The following REDIC1 variants were observed in gnomAD, a reference collection of about 807,000 sequenced individuals.
REDIC1 encodes HEI10 Interacting Protein 1.
chr12:39,839,994 C>T, the REDIC1 span, among the ~76,000 whole-genome samples: 1 of 151,988 alleles, frequency 6.6e-6, no homozygotes, highest in Admixed American at 6.6e-5. Context: ...TTCTATGTCT[C>T]AAGCATGTAT....
chr12:39,713,867 A>G, the REDIC1 span, among the ~76,000 whole-genome samples: 1 of 148,708 alleles, frequency 6.7e-6, no homozygotes, highest in Non-Finnish European at 1.5e-5. Context: ...ACATACATAT[A>G]TATGTATATT....
chr12:39,685,807 T>C, the REDIC1 span, among the ~76,000 whole-genome samples: 1 of 152,220 alleles, frequency 6.6e-6, no homozygotes, highest in Non-Finnish European at 1.5e-5. Context: ...AATAAGGTAG[T>C]TACTTCCAAG....
At chr12:39,876,762 A>T in the REDIC1 span, among the ~76,000 whole-genome samples, 320 of 152,250 alleles carry the variant, frequency 2.1e-3, no homozygotes, top group African/African-American at 7.3e-3. Context: ...CTGGCATGGG[A>T]CTATAAAGAC....
chr12:39,830,126 A>T, the REDIC1 span: 10 of 1,613,622 alleles, frequency 6.2e-6, no homozygotes, highest in Non-Finnish European at 7.6e-6. Context: ...CCTCATTTGT[A>T]GATGCTTTAT....
the REDIC1 span, chr12:39,646,975 T>A: frequency 3.3e-6 from 3 of 919,712 alleles, no homozygotes; most frequent in Non-Finnish European, 3.3e-6. Context: ...CTGGAGAAAA[T>A]TATTTTAAAG....
the REDIC1 span, among the ~76,000 whole-genome samples, chr12:39,811,195 C>T: frequency 1.3e-5 from 2 of 152,002 alleles, no homozygotes; most frequent in African/African-American, 4.8e-5. Flanking sequence ...AGTTGGGTCT[C>T]CTTTTCTCCC....
chr12:39,711,860 TGTATACACGTATACAC>T, the REDIC1 span, among the ~76,000 whole-genome samples: 1 of 69,008 alleles, frequency 1.4e-5, no homozygotes, highest in African/African-American at 7.7e-5. Context: ...CATGTGTATG[TGTATACACGTATACAC>T]ATGCATGTGT....
the REDIC1 span, among the ~76,000 whole-genome samples, chr12:39,896,022 A>G: frequency 5.5e-3 from 783 of 143,498 alleles, 15 homozygotes; most frequent in African/African-American, 0.019. Flanking sequence ...GTATATGTAT[A>G]CATACATGCA....
At chr12:39,766,198 G>A in the REDIC1 span, among the ~76,000 whole-genome samples, 1,167 of 151,966 alleles carry the variant, frequency 7.7e-3, 16 homozygotes, top group African/African-American at 0.027. Context: ...TTCAGTATTC[G>A]TTTACCTCAC....
At chr12:39,711,655 GTATGTCTATACACA>G in the REDIC1 span, among the ~76,000 whole-genome samples, 16 of 139,508 alleles carry the variant, frequency 1.1e-4, no homozygotes, top group African/African-American at 3.4e-4. Context: ...ACACATGTAT[GTATGTCTATACACA>G]TGTATGTGTG....
At chr12:39,721,248 C>G in the REDIC1 span, 12 of 1,608,610 alleles carry the variant, frequency 7.5e-6, no homozygotes, top group East Asian at 2.0e-4. Flanking sequence ...ATAAGAACAA[C>G]TAATATTCTA....
chr12:39,760,339 T>C, the REDIC1 span: 3 of 1,256,442 alleles, frequency 2.4e-6, no homozygotes, highest in South Asian at 4.4e-5. Flanking sequence ...ACTTTTTTTT[T>C]CTGGTCAGTC....
the REDIC1 span, among the ~76,000 whole-genome samples, chr12:39,769,741 T>C: frequency 6.6e-5 from 10 of 151,906 alleles, no homozygotes; most frequent in East Asian, 1.9e-3. Flanking sequence ...ACAAGATCTC[T>C]CTTACTCAAA....
At chr12:39,715,244 G>A in the REDIC1 span, among the ~76,000 whole-genome samples, 1 of 151,900 alleles carries the variant, frequency 6.6e-6, no homozygotes, top group East Asian at 1.9e-4. Context: ...TTTTGTCTAA[G>A]GTAAGAGATG....
At chr12:39,877,397 C>A in the REDIC1 span, among the ~76,000 whole-genome samples, 2 of 152,084 alleles carry the variant, frequency 1.3e-5, no homozygotes, top group Non-Finnish European at 2.9e-5. Flanking sequence ...GAATTGGAAC[C>A]CCCCCTCCAT....
the REDIC1 span, among the ~76,000 whole-genome samples, chr12:39,787,702 GAATA>G: frequency 3.4e-3 from 517 of 152,252 alleles, 3 homozygotes; most frequent in African/African-American, 0.012. Flanking sequence ...GCATGCAAAT[GAATA>G]AATAGCAAGG....
chr12:39,904,700 G>A, the REDIC1 span, among the ~76,000 whole-genome samples: 1 of 152,132 alleles, frequency 6.6e-6, no homozygotes, highest in Admixed American at 6.6e-5. Flanking sequence ...TATATGCCCT[G>A]CTTTGCTGCA....
the REDIC1 span, among the ~76,000 whole-genome samples, chr12:39,685,737 G>A: frequency 7.8e-3 from 1,179 of 152,114 alleles, 16 homozygotes; most frequent in African/African-American, 0.026. Flanking sequence ...TAACTCAAAA[G>A]TTCAAAGTTT....
the REDIC1 span, among the ~76,000 whole-genome samples, chr12:39,831,477 G>A: frequency 2.0e-5 from 3 of 152,124 alleles, no homozygotes; most frequent in Admixed American, 2.0e-4. Context: ...AGACATACAA[G>A]TTGTCTGAAA....
Sources: gnomAD v4.1 joint callset for allele counts (sites outside exome capture counted in the v4.1 genomes callset) on GRCh38, gnomAD v4.1.1 for gene constraint, MANE v1.5 for transcripts, NCBI Gene and HGNC (gene_info 2026-07-23, HGNC 2026-07-21) for gene names.